Variants in CPED1 observed in about 807,000 individuals in gnomAD.
CPED1 encodes cadherin like and PC-esterase domain containing 1.
Under a neutral mutation model 128.2 loss-of-function variants are expected in CPED1, and 114 were observed. The ratio of observed to expected loss-of-function variants is 0.89; its 90% CI spans 0.76 to 1.04. CPED1 has a LOEUF of 1.04. CPED1 is among the 50% of genes least tolerant of loss of function. The pLI, the probability that CPED1 is intolerant of heterozygous loss-of-function variation, is 0.00. For synonymous variants in CPED1, 462 were observed against 426.7 expected (o/e 1.08, Z -1.02); for missense variants, 1,211 against 1,207.1 (o/e 1.00, Z -0.05).
intron 3 of CPED1, among the ~76,000 whole-genome samples, chr7:121,028,455 C>A (rs1792652115): frequency 6.6e-6 from 1 of 152,158 alleles, no homozygotes; most frequent in Non-Finnish European, 1.5e-5. Flanking sequence ...TGCGCAGACG[C>A]TGAACCCATT....
intron 18 of CPED1, chr7:121,261,681 A>G (rs1792021828): frequency 1.2e-6 from 2 of 1,610,528 alleles, no homozygotes; most frequent in Non-Finnish European, 1.7e-6. Flanking sequence ...TGAAGACACA[A>G]TCCAGTCATC....
intron 5 of CPED1, among the ~76,000 whole-genome samples, chr7:121,094,891 C>T (rs1025946517): frequency 6.6e-6 from 1 of 152,152 alleles, no homozygotes; most frequent in African/African-American, 2.4e-5. Flanking sequence ...CATAAAGTTA[C>T]AGGCTTCAGG....
At chr7:121,016,965 GC>G (rs1792319789) in intron 3 of CPED1, among the ~76,000 whole-genome samples, 1 of 152,136 alleles carries the variant, frequency 6.6e-6, no homozygotes, top group South Asian at 2.1e-4. Flanking sequence ...TCAGTTAGGT[GC>G]CCCCTTGCTG....
chr7:121,231,696 G>A (rs187274493), intron 16 of CPED1, among the ~76,000 whole-genome samples: 1 of 152,038 alleles, frequency 6.6e-6, no homozygotes, highest in Admixed American at 6.6e-5. Context: ...GATGCGGATT[G>A]TTGAGGTATA....
intron 16 of CPED1, among the ~76,000 whole-genome samples, chr7:121,232,225 A>G (rs1334997837): frequency 6.6e-6 from 1 of 151,958 alleles, no homozygotes; most frequent in Non-Finnish European, 1.5e-5. Flanking sequence ...ATTCCCCCTC[A>G]CCTGTTTTCC....
At chr7:121,044,009 T>C (rs1793124732) in intron 3 of CPED1, among the ~76,000 whole-genome samples, 1 of 152,176 alleles carries the variant, frequency 6.6e-6, no homozygotes. Flanking sequence ...TAGTAATTTG[T>C]AATTGTGCTG....
chr7:121,227,382 T>G (rs763483649), intron 16 of CPED1, among the ~76,000 whole-genome samples: 16 of 152,078 alleles, frequency 1.1e-4, no homozygotes, highest in Non-Finnish European at 1.8e-4. Flanking sequence ...TGTAACACAA[T>G]TTCTGATCTG....
chr7:121,173,742 A>G (rs567137064), intron 16 of CPED1, among the ~76,000 whole-genome samples: 4 of 152,224 alleles, frequency 2.6e-5, no homozygotes, highest in South Asian at 4.1e-4. Flanking sequence ...TTCCAGGTAT[A>G]TACCCAAAAA....
At chr7:121,013,692 G>A (rs1792219633) in intron 2 of CPED1, among the ~76,000 whole-genome samples, 1 of 152,186 alleles carries the variant, frequency 6.6e-6, no homozygotes, top group South Asian at 2.1e-4. Flanking sequence ...GAATCCAGCA[G>A]TTTAGATGCA....
chr7:121,130,248 C>T lies in CPED1; in HGVS notation c.1531C>T (p.Gln511Ter). Residue 511 changes from glutamine (Q) to a stop codon, truncating the protein, a stop_gained, in exon 12 of 23, where the codon CAA (glutamine) becomes TAA (stop). Transcript: ENST00000310396. LOFTEE classifies it high-confidence loss of function. The part of the protein sequence containing the change: ...QYWSLLNVFE[Q>*]FQFMNKKTQP... ...CTGGTCTCTTTTAAATGTATTTGAA[C>T]AATTTCAGTTCATGAATAAAAAGAC... 1 of 1,609,240 alleles carries T rather than the reference C, an allele frequency of 6.2e-7. No homozygotes were observed.
chr7:121,140,895 C>T lies in CPED1; in HGVS notation c.1768C>T (p.His590Tyr), dbSNP rs1168697284. 1.2e-5 allele frequency: 19 copies of T among 1,611,896 alleles called. No individual in the cohort carries two copies. The highest frequency in any genetic ancestry group is 1.6e-5 in the Non-Finnish European group (19 of 1,178,480). ...ACATTTGGAACTAAATCCTGACTTT[C>T]ATCCAAAGATCAAAGATTATTACTG... ...HPHLELNPDF[H>Y]PKIKDYYCEV... Residue 590 changes from histidine to tyrosine, a missense_variant, in exon 15 of 23, where the codon CAT becomes TAT. Transcript: ENST00000310396.
intron 3 of CPED1, among the ~76,000 whole-genome samples, chr7:121,026,306 T>C (rs1038219843): frequency 1.3e-4 from 20 of 152,168 alleles, no homozygotes; most frequent in Non-Finnish European, 2.6e-4. Flanking sequence ...TCAGTTTCTC[T>C]TTCCTGAAAT....
intron 22 of CPED1, among the ~76,000 whole-genome samples, chr7:121,289,921 A>G (rs954476873): frequency 6.6e-6 from 1 of 152,080 alleles, no homozygotes; most frequent in African/African-American, 2.4e-5. Flanking sequence ...CCCATCATCT[A>G]CAGTAGGTAT....
rs1364588328 is a variant in CPED1 at position 121,246,136 on chromosome 7, G to T, written c.2310+1798G>T. 2.0e-5 allele frequency among the ~76,000 whole-genome samples: 3 copies of T among 152,126 alleles called. No homozygotes were observed. The East Asian group carries it at 5.8e-4, about 29-fold the overall frequency. ...TACCATTCTGACCTCAGAATTTAGG[G>T]TGTTCAGAAAAATTCCAAGAAACTG... On this transcript the variant is annotated intron_variant, in intron 18 of 22. Transcript: ENST00000310396.
chr7:121,279,464 G>GAA (rs1792404916), intron 22 of CPED1, among the ~76,000 whole-genome samples: 1 of 108,690 alleles, frequency 9.2e-6, no homozygotes. Context: ...CCGCCACAAA[G>GAA]AAAAAACAGA....
rs908255164 is a variant in CPED1, at chr7:121,191,606, C to T, written c.2056-45108C>T. Among the ~76,000 whole-genome samples, 10 of 152,056 alleles carry T rather than the reference C, an allele frequency of 6.6e-5. No homozygotes were observed. The East Asian group carries it at 7.7e-4, about 12-fold the overall frequency. ...TGGCTTTCAGACTAGTGTGGCAAAA[C>T]GGAAAAGTTCTAATTCACTCAAATT... is the stretch of plus-strand genomic sequence containing the variant. On this transcript the variant is annotated intron_variant, in intron 16 of 22. Coordinates refer to ENST00000310396, the MANE Select transcript of CPED1 (RefSeq NM_024913.5).
chr7:121,070,811 G>T (rs1227671251), intron 5 of CPED1, among the ~76,000 whole-genome samples: 3 of 152,014 alleles, frequency 2.0e-5, no homozygotes, highest in African/African-American at 7.3e-5. Context: ...AGTCCATTCC[G>T]TTATCCAGAC....
At chr7:121,056,986 CTTTTTTTT>C (rs11367732) in intron 4 of CPED1, among the ~76,000 whole-genome samples, 1 of 150,702 alleles carries the variant, frequency 6.6e-6, no homozygotes, top group Non-Finnish European at 1.5e-5. Context: ...TTTCTTTTTT[CTTTTTTTT>C]TGAGATGGAG....
In CPED1 at chr7:121,228,681, G is replaced by T. The variant is rs531423833; in HGVS notation, c.2056-8033G>T. Among the ~76,000 whole-genome samples, 9 of 151,492 alleles carry T rather than the reference G, an allele frequency of 5.9e-5. No homozygotes were observed. The South Asian group carries it at 1.9e-3, about 32-fold the overall frequency. On this transcript the variant is annotated intron_variant, in intron 16 of 22. Transcript: ENST00000310396. Reference sequence around the variant, plus strand: ...AAGAAAAAACATCCGTTTATCAAAGGGATACCTGCACTCATATGTTGCAGC... The same window carrying T: ...AAGAAAAAACATCCGTTTATCAAAGTGATACCTGCACTCATATGTTGCAGC...
Sources: gnomAD v4.1 joint callset for allele counts (sites outside exome capture counted in the v4.1 genomes callset) on GRCh38, gnomAD v4.1.1 for gene constraint, MANE v1.5 for transcripts, NCBI Gene and HGNC (gene_info 2026-07-23, HGNC 2026-07-21) for gene names.